The following LYPD6B variants were observed in gnomAD, a reference collection of about 807,000 sequenced individuals.
The protein encoded by LYPD6B is ly6/PLAUR domain-containing protein 6B.
A neutral mutation model predicts 22.8 loss-of-function variants in LYPD6B; 17 were observed. The ratio of observed to expected loss-of-function variants is 0.75; its 90% confidence interval spans 0.51 to 1.12. The LOEUF is 1.12. Ranked by LOEUF, LYPD6B falls within the 50% of genes most tolerant of loss-of-function variation. The pLI is 0.00. For synonymous variants in LYPD6B, 106 were observed against 91.6 expected, an observed-to-expected ratio of 1.16 and a Z score of -0.90; for missense variants, 221 against 258.3, an observed-to-expected ratio of 0.86 and a Z score of 0.99.
intron 2 of LYPD6B, among the ~76,000 whole-genome samples, chr2:149,152,641 T>C (rs1003611239): frequency 1.1e-4 from 16 of 152,194 alleles, no homozygotes; most frequent in African/African-American, 2.7e-4. Context: ...AGAGTTTCCT[T>C]TATTTTATCC....
At chr2:149,078,799 G>A (rs541758390) in intron 1 of LYPD6B, among the ~76,000 whole-genome samples, 2 of 152,172 alleles carry the variant, frequency 1.3e-5, no homozygotes, top group Admixed American at 1.3e-4. Context: ...TCAAGCCCTG[G>A]AGTTCGAGAG....
At chr2:149,179,728 T>G in intron 3 of LYPD6B, among the ~76,000 whole-genome samples, 1 of 152,212 alleles carries the variant, frequency 6.6e-6, no homozygotes, top group East Asian at 1.9e-4. Flanking sequence ...TCCTCCATCT[T>G]GAAAGGGTGA....
intron 1 of LYPD6B, among the ~76,000 whole-genome samples, chr2:149,069,184 G>A (rs1167756674): frequency 6.6e-6 from 1 of 151,412 alleles, no homozygotes; most frequent in Non-Finnish European, 1.5e-5. Context: ...GGCTGGTGGG[G>A]GTGGCCTTGG....
At chr2:149,197,083 G>A (rs1692857583) in intron 3 of LYPD6B, among the ~76,000 whole-genome samples, 2 of 152,300 alleles carry the variant, frequency 1.3e-5, no homozygotes, top group South Asian at 4.1e-4. Flanking sequence ...CAGAACTTCT[G>A]TCCACCTATA....
chr2:149,069,269 A>T (rs1684486748), intron 1 of LYPD6B, among the ~76,000 whole-genome samples: 2 of 152,044 alleles, frequency 1.3e-5, no homozygotes, highest in African/African-American at 2.4e-5. Flanking sequence ...AGTTTTTCTT[A>T]TCATTACACA....
chr2:149,097,902 T>G (rs554914173), intron 1 of LYPD6B, among the ~76,000 whole-genome samples: 76 of 152,288 alleles, frequency 5.0e-4, no homozygotes, highest in African/African-American at 1.8e-3. Context: ...CATCATGTAC[T>G]CAAATGATTT....
intron 1 of LYPD6B, chr2:149,068,755 C>A: frequency 1.9e-6 from 1 of 517,460 alleles, no homozygotes; most frequent in Non-Finnish European, 3.9e-6. Context: ...CAAGGGATAT[C>A]ATGTTAGAAT....
intron 2 of LYPD6B, among the ~76,000 whole-genome samples, chr2:149,142,846 C>T (rs1688777528): frequency 6.6e-6 from 1 of 152,072 alleles, no homozygotes; most frequent in Non-Finnish European, 1.5e-5. Context: ...CGACTTTTTC[C>T]TTCTTCACCT....
chr2:149,074,922 G>GTT (rs1684811090), intron 1 of LYPD6B, among the ~76,000 whole-genome samples: 1 of 152,062 alleles, frequency 6.6e-6, no homozygotes, highest in Non-Finnish European at 1.5e-5. Context: ...CAGGCAGCTA[G>GTT]TTTTTTTCTG....
chr2:149,088,011 T>C (rs751974603), intron 1 of LYPD6B, among the ~76,000 whole-genome samples: 3 of 152,148 alleles, frequency 2.0e-5, no homozygotes, highest in Non-Finnish European at 4.4e-5. Context: ...CTGGTCCCTT[T>C]CAACTCCCAT....
At chr2:149,134,368 C>A (rs1454501057) in intron 2 of LYPD6B, among the ~76,000 whole-genome samples, 12 of 152,112 alleles carry the variant, frequency 7.9e-5, no homozygotes, top group Admixed American at 7.9e-4. Flanking sequence ...TTGTCAAGCA[C>A]CAAATTCATT....
chr2:149,069,245 T>G (rs958411755), intron 1 of LYPD6B, among the ~76,000 whole-genome samples: 17 of 152,174 alleles, frequency 1.1e-4, no homozygotes, highest in Non-Finnish European at 2.1e-4. Context: ...ATCATAACTT[T>G]TTTTTACATT....
At chr2:149,161,936 A>G (rs999002758) in intron 3 of LYPD6B, among the ~76,000 whole-genome samples, 11 of 152,312 alleles carry the variant, frequency 7.2e-5, no homozygotes, top group African/African-American at 2.6e-4. Context: ...GACAACAAGC[A>G]GGAATTTATA....
chr2:149,200,106 G>A (rs1024636492), intron 3 of LYPD6B, among the ~76,000 whole-genome samples: 2 of 152,220 alleles, frequency 1.3e-5, no homozygotes, highest in Non-Finnish European at 2.9e-5. Flanking sequence ...AGGGAAGCCA[G>A]GCCTGTTAAA....
chr2:149,143,821 A>G (rs2105784868), intron 2 of LYPD6B: 3 of 152,362 alleles, frequency 2.0e-5, no homozygotes, highest in Middle Eastern at 6.8e-3. Flanking sequence ...AGCTATGGAA[A>G]TAAGTAGTGA....
At chr2:149,163,262 C>T (rs984008991) in intron 3 of LYPD6B, among the ~76,000 whole-genome samples, 6 of 152,122 alleles carry the variant, frequency 3.9e-5, no homozygotes, top group African/African-American at 1.4e-4. Flanking sequence ...TGGAGTTACT[C>T]TGAGATGCTT....
intron 3 of LYPD6B, among the ~76,000 whole-genome samples, chr2:149,195,959 G>T (rs1692779230): frequency 6.6e-6 from 1 of 152,216 alleles, no homozygotes; most frequent in African/African-American, 2.4e-5. Flanking sequence ...AGGCCTGAGT[G>T]CCTCCAGAGG....
intron 3 of LYPD6B, among the ~76,000 whole-genome samples, chr2:149,176,093 A>C (rs1419666524): frequency 6.6e-6 from 1 of 152,224 alleles, no homozygotes; most frequent in East Asian, 1.9e-4. Flanking sequence ...TTTATACAAC[A>C]AGCAGCACAG....
chr2:149,038,760 CG>C lies in LYPD6B; in HGVS notation c.-105del, dbSNP rs998910307. On this transcript the variant is annotated 5_prime_UTR_variant, in exon 1 of 7. Transcript: ENST00000409642. Reference sequence around the variant, plus strand: ...TGCGCTGGGAGCCTGGGCCGGGAGCCGGGTGAGGGCGCCGAGAGGCTCGGTG... The same window carrying C: ...TGCGCTGGGAGCCTGGGCCGGGAGCCGGTGAGGGCGCCGAGAGGCTCGGTG... 6.6e-6 allele frequency: 1 copy of C among 151,188 alleles called. No homozygotes were observed. Among genetic ancestry groups the C allele is most frequent in the African/African-American group, 2.4e-5 (1 of 41,274 alleles). The allele number at this position is 151,188 out of a possible 1,614,324, so 9.4% of individuals were successfully genotyped here.
Sources: gnomAD v4.1 joint callset for allele counts (sites outside exome capture counted in the v4.1 genomes callset) on GRCh38, gnomAD v4.1.1 for gene constraint, MANE v1.5 for transcripts, NCBI Gene and HGNC (gene_info 2026-07-23, HGNC 2026-07-21) for gene names.